AHCTF1: variants seen among roughly 807,000 people sequenced by gnomAD.
AHCTF1 encodes the protein AT-hook containing transcription factor 1.
Under a neutral mutation model 248.4 loss-of-function variants are expected in AHCTF1, and 24 were observed. The ratio of observed to expected loss-of-function variants is 0.10; its 90% CI spans 0.07 to 0.14. The LOEUF (loss-of-function observed/expected upper bound fraction) is 0.14, where lower values mean the gene tolerates loss of function less well. Ranked by LOEUF, AHCTF1 falls within the 10% of genes least tolerant of loss-of-function variation. AHCTF1 has a pLI of 1.00. For missense variants in AHCTF1, 2,206 were observed against 2,636.2 expected (o/e 0.84, Z 3.57); for synonymous variants, 786 against 929.8 (o/e 0.85, Z 2.81).
Position 246,891,437 on chromosome 1 carries a change from T to C in AHCTF1, c.1945+342A>G, listed in dbSNP as rs532549043. Among the ~76,000 whole-genome samples the C allele has an allele frequency of 6.6e-5, 10 of 152,298 alleles. No homozygotes were observed. The South Asian group carries it at 1.9e-3, about 28-fold the overall frequency. On this transcript the variant is annotated intron_variant, in intron 15 of 35. Coordinates refer to ENST00000648844, the MANE Select transcript of AHCTF1 (RefSeq NM_001323342.2). The stretch of plus-strand genomic sequence containing the variant: ...GTTCAAAACAGGCATTTAAATGAAA[T>C]TGGCTTGTTTTTGTTTTGAAATTGC...
chr1:246,925,568 T>C (rs1252853964), intron 1 of AHCTF1, among the ~76,000 whole-genome samples: 1 of 152,138 alleles, frequency 6.6e-6, no homozygotes, highest in Non-Finnish European at 1.5e-5. Context: ...TGCAGTAAGC[T>C]ATGATCAGGC....
At chr1:246,913,809 CGCAAACCTAAA>C (rs1665967290) in intron 3 of AHCTF1, among the ~76,000 whole-genome samples, 1 of 152,328 alleles carries the variant, frequency 6.6e-6, no homozygotes, top group East Asian at 1.9e-4. Flanking sequence ...ACGCATAAAA[CGCAAACCTAAA>C]TTGTTCTCAT....
In AHCTF1 at chr1:246,926,581, C is replaced by T. The variant is rs552379009; in HGVS notation, c.-8+4997G>A. 4.7e-3 allele frequency among the ~76,000 whole-genome samples: 719 copies of T among 152,324 alleles called. 7 individuals are homozygous for T. Among genetic ancestry groups the T allele is most frequent in the Non-Finnish European group, 7.5e-3 (507 of 68,034 alleles). ...TCTATTATTAGAAATAGGGGCCAGGCGCGGTGGCTCACACCTGTCATCCCA... is the reference window on the plus strand; with the variant it reads ...TCTATTATTAGAAATAGGGGCCAGGTGCGGTGGCTCACACCTGTCATCCCA... On this transcript the variant is annotated intron_variant, in intron 1 of 35. Transcript: ENST00000648844.
chr1:246,845,006 A>G (rs960893358), intron 33 of AHCTF1, among the ~76,000 whole-genome samples: 3 of 152,154 alleles, frequency 2.0e-5, no homozygotes, highest in African/African-American at 7.2e-5. Flanking sequence ...TCTATCTCAA[A>G]GTTGTTCTGA....
intron 35 of AHCTF1, 121 bp downstream of exon 35, chr1:246,842,573 C>G: frequency 2.8e-6 from 2 of 716,860 alleles, no homozygotes; most frequent in Non-Finnish European, 1.9e-6. Flanking sequence ...CAGACCGAGA[C>G]TCTGTCTCAA....
At position 246,850,843 on chromosome 1, in the gene AHCTF1, T is replaced by G. The variant is rs571142241; in HGVS notation, c.5163A>C (p.Thr1721=). ...VKSAFKTAQE[T]STMTMNVSQV... ...GGCTGACATTCATAGTCATTGTGCTTGTTTCCTGAGCAGTCTTAAATGCAG... is the reference window on the plus strand; with the variant it reads ...GGCTGACATTCATAGTCATTGTGCTGGTTTCCTGAGCAGTCTTAAATGCAG... Residue 1721 remains threonine, a synonymous_variant, in exon 33 of 36, where the codon ACA becomes ACC. Coordinates refer to ENST00000648844, the MANE Select transcript of AHCTF1 (RefSeq NM_001323342.2). 1 of 1,613,930 alleles carries G rather than the reference T, an allele frequency of 6.2e-7. No individual in the cohort carries two copies. The highest frequency in any genetic ancestry group is 2.2e-5 in the East Asian group (1 of 44,884).
intron 1 of AHCTF1, among the ~76,000 whole-genome samples, chr1:246,921,568 C>T (rs983253230): frequency 2.0e-5 from 3 of 152,012 alleles, no homozygotes; most frequent in Non-Finnish European, 4.4e-5. Context: ...ATCAGAATCC[C>T]CCCAAAAATA....
At chr1:246,874,223 A>G (rs1662790157) in intron 24 of AHCTF1, among the ~76,000 whole-genome samples, 2 of 152,188 alleles carry the variant, frequency 1.3e-5, no homozygotes, top group South Asian at 4.1e-4. Flanking sequence ...CAGCTGACTA[A>G]AGAGACTGAG....
chr1:246,915,577 G>A (rs1666087780), intron 3 of AHCTF1, among the ~76,000 whole-genome samples: 1 of 151,966 alleles, frequency 6.6e-6, no homozygotes, highest in African/African-American at 2.4e-5. Flanking sequence ...TGTTCCAAGT[G>A]CTTAAATTTA....
chr1:246,839,654 G>A lies in AHCTF1; in HGVS notation c.*1152C>T, dbSNP rs1418802117. 1.4e-6 allele frequency: 1 copy of A among 702,702 alleles called. No individual in the cohort carries two copies. The highest frequency in any genetic ancestry group is 1.3e-4 in the East Asian group (1 of 7,656). 43.5% of individuals were successfully genotyped at this position (702,702 alleles called of 1,614,324 possible). ...TAAATGCAGAAAGCACACTGCATAT[G>A]CTTCACATTAAAATATTAAAAGCCC... is the stretch of plus-strand genomic sequence containing the variant. On this transcript the variant is annotated 3_prime_UTR_variant, in exon 36 of 36. Transcript: ENST00000648844.
intron 5 of AHCTF1, among the ~76,000 whole-genome samples, chr1:246,906,632 T>C (rs1050155516): frequency 1.3e-5 from 2 of 150,962 alleles, no homozygotes; most frequent in African/African-American, 2.4e-5. Context: ...GCAAAGAGAG[T>C]TGAGATACAC....
At position 246,840,947 on chromosome 1, in the gene AHCTF1, C is replaced by A; in HGVS notation, c.6660G>T (p.Leu2220=). The A allele has an allele frequency of 6.2e-7, 1 of 1,611,864 alleles. No individual in the cohort carries two copies. Among genetic ancestry groups the A allele is most frequent in the South Asian group, 1.1e-5 (1 of 90,522 alleles). ...AWSPPPIEIR[L]ISPLASPADG... ...CAGCTGGGCTAGCCAAGGGGGAAAT[C>A]AGCCGAATTTCTATGGGAGGAGGTG... Residue 2220 remains leucine, a synonymous_variant, in exon 36 of 36, where the codon CTG becomes CTT. Coordinates refer to ENST00000648844, the MANE Select transcript of AHCTF1 (RefSeq NM_001323342.2).
intron 2 of AHCTF1, 59 bp downstream of exon 2, chr1:246,918,188 CTTA>C (rs1489076180): frequency 2.8e-6 from 4 of 1,442,728 alleles, no homozygotes; most frequent in South Asian, 1.5e-5. Flanking sequence ...ATAATATATA[CTTA>C]TTATTATTTA....
At position 246,918,305 on chromosome 1, in the gene AHCTF1, G is replaced by T. The variant is rs368383090; in HGVS notation, c.66C>A (p.Ala22=). The change falls in exon 2 of 36, where the codon GCC becomes GCA. Residue 22 remains alanine, a synonymous_variant. Coordinates refer to ENST00000648844, the MANE Select transcript of AHCTF1 (RefSeq NM_001323342.2). The stretch of plus-strand genomic sequence containing the variant: ...CTAATGTTATTTCGTCTTCTCCAAG[G>T]GCTTGAAGAGTCACTTCTGGAAATG... ...LLPFPEVTLQ[A]LGEDEITLES... is the part of the protein sequence containing the mutation. The T allele has an allele frequency of 3.2e-5, 52 of 1,612,832 alleles. No homozygotes were observed. Among genetic ancestry groups the T allele is most frequent in the Non-Finnish European group, 4.2e-5 (50 of 1,179,776 alleles).
intron 12 of AHCTF1, 147 bp downstream of exon 12, chr1:246,898,061 C>G (rs1224464691): frequency 2.6e-6 from 3 of 1,165,482 alleles, no homozygotes; most frequent in Non-Finnish European, 1.2e-6. Context: ...TTAAACCAAA[C>G]CTAAGACCAC....
At chr1:246,921,024 G>A (rs1010369348) in intron 1 of AHCTF1, among the ~76,000 whole-genome samples, 8 of 152,048 alleles carry the variant, frequency 5.3e-5, no homozygotes, top group East Asian at 1.9e-4. Flanking sequence ...CCTGGGAGAA[G>A]GAGGTTGCAG....
chr1:246,882,099 G>A (rs949709626), intron 21 of AHCTF1, among the ~76,000 whole-genome samples: 1 of 150,926 alleles, frequency 6.6e-6, no homozygotes, highest in Non-Finnish European at 1.5e-5. Flanking sequence ...CTGGGTTCAC[G>A]CCATTCTCCT....
intron 24 of AHCTF1, among the ~76,000 whole-genome samples, chr1:246,869,726 T>G (rs1662430131): frequency 1.3e-5 from 2 of 151,060 alleles, no homozygotes; most frequent in Non-Finnish European, 2.9e-5. Flanking sequence ...AAAAAAAAAG[T>G]CTTTTCAAAT....
At chr1:246,913,789 T>C (rs1287298569) in intron 3 of AHCTF1, among the ~76,000 whole-genome samples, 2 of 152,218 alleles carry the variant, frequency 1.3e-5, no homozygotes, top group African/African-American at 2.4e-5. Context: ...ATTCAAGCCA[T>C]AAAATCATTA....
Sources: allele counts gnomAD v4.1 joint callset (sites outside exome capture counted in the v4.1 genomes callset), GRCh38; gene constraint gnomAD v4.1.1; transcripts MANE v1.5; gene names NCBI Gene and HGNC (gene_info 2026-07-23, HGNC 2026-07-21).